ZNF497: variants seen among roughly 807,000 people sequenced by gnomAD.
The protein encoded by ZNF497 is zinc finger protein 497.
For synonymous variants in ZNF497, 422 were observed against 313.7 expected, an observed-to-expected ratio of 1.35 and a Z score of -3.65; for missense variants, 930 against 714.0, an observed-to-expected ratio of 1.30 and a Z score of -3.45.
chr19:58,357,277 T>C lies in ZNF497; in HGVS notation c.359A>G (p.Tyr120Cys), dbSNP rs1369906060. 7 of 1,612,584 alleles carry C rather than the reference T, an allele frequency of 4.3e-6. No individual in the cohort carries two copies. The highest frequency in any genetic ancestry group is 5.9e-6 in the Non-Finnish European group (7 of 1,179,608). Residue 120 changes from tyrosine to cysteine, a missense_variant, in exon 3 of 3, where the codon TAC (tyrosine) becomes TGC (cysteine). Physicochemically the swap from Tyr to Cys is radical, Grantham distance 194 (BLOSUM62 -2). Transcript: ENST00000311044. Reference sequence around the variant, plus strand: ...GTGCACGCGCCGATGCTGCAGCAAGTAAGAGCCCTGGCTGAACGCCTTGCC... The same window carrying C: ...GTGCACGCGCCGATGCTGCAGCAAGCAAGAGCCCTGGCTGAACGCCTTGCC... ...ECGKAFSQGS[Y>C]LLQHRRVHTG...
At position 58,356,376 on chromosome 19, in the gene ZNF497, G is replaced by A; in HGVS notation, c.1260C>T (p.Gly420=). ...GERPFACAEC[G]KAFRGSSELR... ...GCTCGGAGCTGCCGCGGAAGGCCTT[G>A]CCGCATTCTGCGCAGGCGAAGGGTC... The change falls in exon 3 of 3, where the codon GGC becomes GGT. Residue 420 remains glycine (G), a synonymous_variant. Coordinates refer to ENST00000311044, the MANE Select transcript of ZNF497 (RefSeq NM_198458.3). The A allele has an allele frequency of 6.4e-7, 1 of 1,566,006 alleles. No individual in the cohort carries two copies. Among genetic ancestry groups the A allele is most frequent in the Non-Finnish European group, 8.6e-7 (1 of 1,159,976 alleles).
chr19:58,358,130 C>T, intron 2 of ZNF497: 1 of 1,277,590 alleles, frequency 7.8e-7, no homozygotes, highest in Non-Finnish European at 1.0e-6. Context: ...CCACTCCACC[C>T]TGGCCGGATC....
In ZNF497 at chr19:58,356,324, C is replaced by T. The variant is rs1423130271; in HGVS notation, c.1312G>A (p.Gly438Ser). The change falls in exon 3 of 3, where the codon GGC (glycine) becomes AGC (serine). Residue 438 changes from glycine (G) to serine (S), a missense_variant. Physicochemically the swap from Gly to Ser is moderately conservative, Grantham distance 56. Transcript: ENST00000311044. ...TGGGCGCAGACGAACGGCCTCTCGC[C>T]AGAGTGCAGGCGCTGGTGCTGGCGC... ...ELRQHQRLHS[G>S]ERPFVCAHCS... 1 of 1,576,612 alleles carries T rather than the reference C, an allele frequency of 6.3e-7. No homozygotes were observed. Among genetic ancestry groups the T allele is most frequent in the African/African-American group, 1.3e-5 (1 of 74,210 alleles).
chr19:58,357,650 C>G lies in ZNF497; in HGVS notation c.-14-1G>C. 1.3e-6 allele frequency: 2 copies of G among 1,515,518 alleles called. No homozygotes were observed. Among genetic ancestry groups the G allele is most frequent in the Non-Finnish European group, 1.8e-6 (2 of 1,133,536 alleles). The allele number at this position is 1,515,518 out of a possible 1,614,324, so 93.9% of individuals were successfully genotyped here. A position where few individuals can be genotyped will look rare whatever the true frequency, so the allele number is the denominator to read the frequency against. ...GGGGACTCCATCTCGCGCCTGTGAC[C>G]TAAAACAGGAGAGAAAAGGCAAGTA... On this transcript the variant is annotated splice_acceptor_variant, in intron 2 of 2. Coordinates refer to ENST00000311044, the MANE Select transcript of ZNF497 (RefSeq NM_198458.3). LOFTEE classifies it low-confidence loss of function (5UTR_SPLICE).
rs778895216 is a variant in ZNF497 at position 58,357,544 on chromosome 19, T to C, written c.92A>G (p.Glu31Gly). 6.2e-7 allele frequency: 1 copy of C among 1,605,464 alleles called. No homozygotes were observed. The highest frequency in any genetic ancestry group is 8.5e-7 in the Non-Finnish European group (1 of 1,176,408). ...NVKTATRGLS[E>G]GAVSGGWGAW... ...CCCCCAGCCTCCAGACACAGCCCCCTCAGAGAGGCCCCTCGTGGCAGTCTT... is the reference window on the plus strand; with the variant it reads ...CCCCCAGCCTCCAGACACAGCCCCCCCAGAGAGGCCCCTCGTGGCAGTCTT... Residue 31 changes from glutamate (E) to glycine (G), a missense_variant, in exon 3 of 3, where the codon GAG becomes GGG. Transcript: ENST00000311044.
chr19:58,360,261 T>G (rs1363992661), intron 1 of ZNF497, among the ~76,000 whole-genome samples: 1 of 152,178 alleles, frequency 6.6e-6, no homozygotes, highest in East Asian at 1.9e-4. Context: ...CAAAAACCAC[T>G]GAATTACACA....
Position 58,358,577 on chromosome 19 carries a change from G to T in ZNF497, c.-103C>A. The T allele has an allele frequency of 2.5e-6, 3 of 1,188,368 alleles. No individual in the cohort carries two copies. Among genetic ancestry groups the T allele is most frequent in the Non-Finnish European group, 3.2e-6 (3 of 940,312 alleles). 73.6% of individuals were successfully genotyped at this position (1,188,368 alleles called of 1,614,324 possible). A position where few individuals can be genotyped will look rare whatever the true frequency, so the allele number is the denominator to read the frequency against. On this transcript the variant is annotated 5_prime_UTR_variant, in exon 2 of 3. Transcript: ENST00000311044. ...GGACCAGCTCCTCTTGGGGCCTGGG[G>T]GCTGGCACCTGGGGACAGGAAGGCA...
intron 1 of ZNF497, 25 bp from the exon 2 acceptor site, chr19:58,358,610 A>G: frequency 8.7e-7 from 1 of 1,151,086 alleles, no homozygotes; most frequent in Non-Finnish European, 1.1e-6. Flanking sequence ...GCAGCAGGGC[A>G]GGGTGAGGTG....
chr19:58,360,589 C>T (rs368172669), intron 1 of ZNF497, among the ~76,000 whole-genome samples: 6 of 151,826 alleles, frequency 4.0e-5, no homozygotes, highest in East Asian at 1.9e-4. Context: ...AATGAAGTGG[C>T]GCAATCTCGG....
In ZNF497 at chr19:58,355,882, G is replaced by A. The variant is rs1233643156; in HGVS notation, c.*257C>T. ...CCACCTCTGCATGGACGAACCTCTC[G>A]CCGAAGTGGAGCCTGCCGCCCTCCC... On this transcript the variant is annotated 3_prime_UTR_variant, in exon 3 of 3. Coordinates refer to ENST00000311044, the MANE Select transcript of ZNF497 (RefSeq NM_198458.3). The A allele has an allele frequency of 2.2e-6, 1 of 460,924 alleles. No homozygotes were observed. Among genetic ancestry groups the A allele is most frequent in the South Asian group, 4.1e-5 (1 of 24,606 alleles). The allele number at this position is 460,924 out of a possible 1,614,324, so 28.6% of individuals were successfully genotyped here. A position where few individuals can be genotyped will look rare whatever the true frequency, so the allele number is the denominator to read the frequency against.
intron 1 of ZNF497, chr19:58,359,237 G>A (rs2052064588): frequency 7.7e-7 from 1 of 1,290,520 alleles, no homozygotes; most frequent in Admixed American, 2.3e-5. Context: ...GGGGGCCAGG[G>A]CTGATGCCTC....
rs748620340 is a variant in ZNF497 at position 58,356,266 on chromosome 19, A to G, written c.1370T>C (p.Leu457Pro). The change falls in exon 3 of 3, where the codon CTC (leucine) becomes CCC (proline). Residue 457 changes from leucine (L) to proline (P), a missense_variant. Transcript: ENST00000311044. ...CSKAFVRKSE[L>P]LSHRRTHTGE... The stretch of plus-strand genomic sequence containing the variant: ...CGTGTGCGTGCGCCGGTGGCTTAAG[A>G]GCTCCGACTTGCGCACGAAGGCCTT... 13 of 1,603,206 alleles carry G rather than the reference A, an allele frequency of 8.1e-6. No individual in the cohort carries two copies. Among genetic ancestry groups the G allele is most frequent in the Non-Finnish European group, 1.1e-5 (13 of 1,175,862 alleles).
At chr19:58,360,298 TTA>T (rs1392970563) in intron 1 of ZNF497, among the ~76,000 whole-genome samples, 2 of 152,162 alleles carry the variant, frequency 1.3e-5, no homozygotes, top group Non-Finnish European at 2.9e-5. Flanking sequence ...TGTATGGTAT[TTA>T]TGTTTTTTAA....
intron 1 of ZNF497, among the ~76,000 whole-genome samples, chr19:58,360,768 T>G (rs1261229763): frequency 1.6e-4 from 3 of 19,280 alleles, no homozygotes; most frequent in African/African-American, 8.4e-4. Flanking sequence ...TCCCGAACTC[T>G]TTTTTTTTTT....
rs2148003846 is a variant in ZNF497, at chr19:58,354,636, TC to T, written c.*1502del. On this transcript the variant is annotated 3_prime_UTR_variant, in exon 3 of 3. Transcript: ENST00000311044. ...GAGACTCCCTCTGTTTGGTCCCATTTCCATATTGCTGAGCACCTGCTGCATG... is the reference window on the plus strand; with the variant it reads ...GAGACTCCCTCTGTTTGGTCCCATTTCATATTGCTGAGCACCTGCTGCATG... The T allele has an allele frequency of 6.6e-6, 1 of 152,450 alleles. No individual in the cohort carries two copies. Among genetic ancestry groups the T allele is most frequent in the East Asian group, 1.9e-4 (1 of 5,190 alleles). 9.4% of individuals were successfully genotyped at this position (152,450 alleles called of 1,614,324 possible). A position where few individuals can be genotyped will look rare whatever the true frequency, so the allele number is the denominator to read the frequency against.
chr19:58,355,968 C>T lies in ZNF497; in HGVS notation c.*171G>A. ...GCCTGGGTGGCCGGTGGACTATCGTCAAAGGGACTGTGCAGCCAGGGTTCT... is the reference window on the plus strand; with the variant it reads ...GCCTGGGTGGCCGGTGGACTATCGTTAAAGGGACTGTGCAGCCAGGGTTCT... On this transcript the variant is annotated 3_prime_UTR_variant, in exon 3 of 3. Coordinates refer to ENST00000311044, the MANE Select transcript of ZNF497 (RefSeq NM_198458.3). The T allele has an allele frequency of 2.7e-6, 2 of 732,810 alleles. No individual in the cohort carries two copies. Among genetic ancestry groups the T allele is most frequent in the Admixed American group, 6.5e-5 (2 of 30,976 alleles). 45.4% of individuals were successfully genotyped at this position (732,810 alleles called of 1,614,324 possible). A position where few individuals can be genotyped will look rare whatever the true frequency, so the allele number is the denominator to read the frequency against.
At chr19:58,359,074 A>G (rs1311285013) in intron 1 of ZNF497, 1 of 707,870 alleles carries the variant, frequency 1.4e-6, no homozygotes, top group East Asian at 5.8e-5. Context: ...AGCAGGCCTC[A>G]GGCATCAGCC....
Position 58,357,431 on chromosome 19 carries a change from C to G in ZNF497, c.205G>C (p.Gly69Arg), listed in dbSNP as rs761130948. 1 of 1,600,930 alleles carries G rather than the reference C, an allele frequency of 6.2e-7. No homozygotes were observed. The highest frequency in any genetic ancestry group is 8.5e-7 in the Non-Finnish European group (1 of 1,173,878). ...GCGGGGCCCAGCTCCCTGCCGGGGC[C>G]TCCCTGTTCGTCCGCCGCCCCCAGT... is the stretch of plus-strand genomic sequence containing the variant. ...ATLGAADEQG[G>R]PGRELGPADG... Residue 69 changes from glycine to arginine, a missense_variant, in exon 3 of 3, where the codon GGC becomes CGC. Gly to Arg is a moderately radical substitution (Grantham distance 125). Coordinates refer to ENST00000311044, the MANE Select transcript of ZNF497 (RefSeq NM_198458.3).
At chr19:58,357,891 C>T (rs985448073) in intron 2 of ZNF497, 125 of 1,370,770 alleles carry the variant, frequency 9.1e-5, no homozygotes, top group Non-Finnish European at 1.1e-4. Context: ...ACACCCGGCC[C>T]GGCCCAGCAG....
Sources: allele counts gnomAD v4.1 joint callset (sites outside exome capture counted in the v4.1 genomes callset), GRCh38; gene constraint gnomAD v4.1.1; transcripts MANE v1.5; gene names NCBI Gene and HGNC (gene_info 2026-07-23, HGNC 2026-07-21).